Variants in CAMK4 observed in about 807,000 individuals in gnomAD.
CAMK4 encodes the protein calcium/calmodulin-dependent protein kinase type IV.
CAMK4 carries 22 observed loss-of-function variants against 44.9 expected under a neutral mutation model. That is an observed-to-expected ratio of 0.49 (90% CI 0.35 to 0.70). The LOEUF is 0.70. Among genes scored for constraint, CAMK4 ranks in the 30% least tolerant of loss-of-function variants. The pLI is 0.01. For synonymous variants in CAMK4, 218 were observed against 215.4 expected, an observed-to-expected ratio of 1.01 and a Z score of -0.11; for missense variants, 498 against 586.8, an observed-to-expected ratio of 0.85 and a Z score of 1.56.
chr5:111,372,735 T>A (rs1751057322), intron 2 of CAMK4, among the ~76,000 whole-genome samples: 1 of 152,142 alleles, frequency 6.6e-6, no homozygotes, highest in Non-Finnish European at 1.5e-5. Context: ...GCAGAGTAGC[T>A]ATGGTTTAGT....
chr5:111,449,193 A>T lies in CAMK4; in HGVS notation c.615A>T (p.Pro205=). The T allele has an allele frequency of 6.5e-7, 1 of 1,528,458 alleles. No individual in the cohort carries two copies. Among genetic ancestry groups the T allele is most frequent in the South Asian group, 1.1e-5 (1 of 87,042 alleles). 94.7% of individuals were successfully genotyped at this position (1,528,458 alleles called of 1,614,324 possible). ...QVLMKTVCGT[P]GYCAPEILRG... The stretch of plus-strand genomic sequence containing the variant: ...TCATGAAGACAGTATGTGGAACCCC[A>T]GGGTACTGCGGTATGCTCTTTAATA... The change falls in exon 7 of 11, where the codon CCA becomes CCT. Residue 205 remains proline, a synonymous_variant. Coordinates refer to ENST00000282356, the MANE Select transcript of CAMK4 (RefSeq NM_001744.6).
rs1561344660 is a variant in CAMK4, at chr5:111,224,624, G to A, written c.141G>A (p.Glu47=). The A allele has an allele frequency of 6.2e-7, 1 of 1,610,734 alleles. No individual in the cohort carries two copies. The highest frequency in any genetic ancestry group is 8.5e-7 in the Non-Finnish European group (1 of 1,179,208). The change falls in exon 1 of 11, where the codon GAG becomes GAA. Residue 47 remains glutamate, a synonymous_variant. Transcript: ENST00000282356. The surrounding 1 kb of genome is among the most constrained non-coding windows in gnomAD (Gnocchi z 5.7). ...GGGATGCGCTGAGCGATTTCTTCGA[G>A]GTGGAGTCGGAGCTGGGACGGTAAG... is the stretch of plus-strand genomic sequence containing the variant. ...SNRDALSDFF[E]VESELGRGAT...
intron 1 of CAMK4, among the ~76,000 whole-genome samples, chr5:111,287,153 T>C (rs1163272460): frequency 6.6e-6 from 1 of 152,172 alleles, no homozygotes; most frequent in East Asian, 1.9e-4. Context: ...AGTTAGAGTT[T>C]CCCATAGAGA....
At chr5:111,349,309 A>G (rs1580631934) in intron 2 of CAMK4, among the ~76,000 whole-genome samples, 1 of 152,030 alleles carries the variant, frequency 6.6e-6, no homozygotes, top group East Asian at 1.9e-4. Context: ...GCATGAATCA[A>G]GGGTGAAGGA....
At chr5:111,316,538 C>A (rs995021202) in intron 1 of CAMK4, among the ~76,000 whole-genome samples, 2 of 152,164 alleles carry the variant, frequency 1.3e-5, no homozygotes, top group Non-Finnish European at 2.9e-5. Flanking sequence ...GCTCTGAGGA[C>A]TGGCCCCTTA....
At chr5:111,358,434 G>A (rs1415846431) in intron 2 of CAMK4, among the ~76,000 whole-genome samples, 1 of 151,900 alleles carries the variant, frequency 6.6e-6, no homozygotes, top group Non-Finnish European at 1.5e-5. Flanking sequence ...TTCAGTTAAA[G>A]TTACCTATAC....
rs368549801 is a variant in CAMK4, at chr5:111,250,072, G to A, written c.161+25428G>A. ...CTACCCCAGGACTACCTGATTATCT[G>A]TCTGACTCCAAAGCTTATACTCTGT... On this transcript the variant is annotated intron_variant, in intron 1 of 10. Transcript: ENST00000282356. 2.0e-5 allele frequency among the ~76,000 whole-genome samples: 3 copies of A among 152,150 alleles called. No homozygotes were observed. In the East Asian group the frequency reaches 5.8e-4, roughly 29 times the overall value.
chr5:111,405,532 A>C (rs1307953234), intron 5 of CAMK4, among the ~76,000 whole-genome samples: 1 of 152,220 alleles, frequency 6.6e-6, no homozygotes, highest in African/African-American at 2.4e-5. Flanking sequence ...ATGAAAGAAA[A>C]GGAATTTCCA....
intron 1 of CAMK4, among the ~76,000 whole-genome samples, chr5:111,250,265 C>T (rs972679621): frequency 2.0e-5 from 3 of 152,176 alleles, no homozygotes; most frequent in Non-Finnish European, 4.4e-5. Context: ...AGACAGAGTA[C>T]ATGAATACAC....
In CAMK4 at chr5:111,482,787, C is replaced by G. The variant is rs1755477836; in HGVS notation, c.831C>G (p.Val277=). ...DEVSLNAKDL[V]RKLIVLDPKK... Reference sequence around the variant, plus strand: ...TTTATGGTTCTTTATTATTTCAGGTCAGAAAATTAATTGTTTTGGATCCAA... The same window carrying G: ...TTTATGGTTCTTTATTATTTCAGGTGAGAAAATTAATTGTTTTGGATCCAA... Residue 277 remains valine (V), a splice_region_variant and synonymous_variant, in exon 10 of 11, where the codon GTC becomes GTG. Coordinates refer to ENST00000282356, the MANE Select transcript of CAMK4 (RefSeq NM_001744.6). The surrounding 1 kb of genome is among the most constrained non-coding windows in gnomAD (Gnocchi z 4.9). 1.2e-6 allele frequency: 2 copies of G among 1,603,574 alleles called. No individual in the cohort carries two copies.
chr5:111,294,513 C>T (rs1747406851), intron 1 of CAMK4, among the ~76,000 whole-genome samples: 1 of 152,106 alleles, frequency 6.6e-6, no homozygotes, highest in African/African-American at 2.4e-5. Context: ...CAAATATTCT[C>T]TTAAATTTTT....
At chr5:111,285,126 A>G (rs1751186434) in intron 1 of CAMK4, among the ~76,000 whole-genome samples, 1 of 152,224 alleles carries the variant, frequency 6.6e-6, no homozygotes, top group Non-Finnish European at 1.5e-5. Flanking sequence ...CCCTACTCCA[A>G]GGAGTCGAAA....
At chr5:111,310,675 T>G (rs910585176) in intron 1 of CAMK4, among the ~76,000 whole-genome samples, 2 of 152,178 alleles carry the variant, frequency 1.3e-5, no homozygotes, top group African/African-American at 4.8e-5. Flanking sequence ...ATCCCTGTCC[T>G]AGTGAACACA....
At chr5:111,240,224 C>T (rs533702579) in intron 1 of CAMK4, among the ~76,000 whole-genome samples, 3 of 151,192 alleles carry the variant, frequency 2.0e-5, no homozygotes, top group South Asian at 4.2e-4. Flanking sequence ...CATTCTTCAC[C>T]GGGAAGTTAA....
intron 5 of CAMK4, among the ~76,000 whole-genome samples, chr5:111,408,580 A>G (rs1333397400): frequency 6.6e-6 from 1 of 152,110 alleles, no homozygotes; most frequent in Non-Finnish European, 1.5e-5. Context: ...GACCCCTCCT[A>G]AATCTCATGT....
intron 5 of CAMK4, among the ~76,000 whole-genome samples, chr5:111,403,057 A>G (rs941557665): frequency 6.6e-6 from 1 of 152,238 alleles, no homozygotes; most frequent in African/African-American, 2.4e-5. Flanking sequence ...AGCAAGCTGT[A>G]TAATTTTCCA....
At chr5:111,361,479 A>G (rs972403432) in intron 2 of CAMK4, among the ~76,000 whole-genome samples, 8 of 152,034 alleles carry the variant, frequency 5.3e-5, no homozygotes, top group African/African-American at 1.2e-4. Context: ...TAATTTAAAA[A>G]TCTTGGTCAT....
chr5:111,263,288 CA>C (rs2112565929), intron 1 of CAMK4, among the ~76,000 whole-genome samples: 1 of 152,160 alleles, frequency 6.6e-6, no homozygotes, highest in African/African-American at 2.4e-5. Flanking sequence ...ATGTTATATA[CA>C]TCATAATTAT....
At chr5:111,400,441 T>C (rs538281367) in intron 5 of CAMK4, among the ~76,000 whole-genome samples, 23 of 152,286 alleles carry the variant, frequency 1.5e-4, no homozygotes, top group Non-Finnish European at 2.6e-4. Context: ...AGATAACTTA[T>C]ATCTAGGCTG....
Sources: gnomAD v4.1 joint callset for allele counts (sites outside exome capture counted in the v4.1 genomes callset) on GRCh38, gnomAD v4.1.1 for gene constraint, Gnocchi (gnomAD v3.1) non-coding constraint, MANE v1.5 for transcripts, NCBI Gene and HGNC (gene_info 2026-07-23, HGNC 2026-07-21) for gene names.